UCHL3: variants seen among roughly 807,000 people sequenced by gnomAD.
UCHL3 encodes ubiquitin C-terminal hydrolase L3, also known as ubiquitin carboxyl-terminal hydrolase isozyme L3.
In UCHL3, 22 loss-of-function variants were observed where a neutral mutation model predicts 35.8. The observed-to-expected ratio is 0.61, with a 90% CI of 0.44 to 0.88. The LOEUF (loss-of-function observed/expected upper bound fraction) is 0.88, where lower values mean the gene tolerates loss of function less well. Among genes scored for constraint, UCHL3 ranks in the 40% least tolerant of loss-of-function variants. UCHL3 has a pLI of 0.00. For missense variants in UCHL3, 229 were observed against 276.9 expected (o/e 0.83, Z 1.23); for synonymous variants, 90 against 92.8 (o/e 0.97, Z 0.17).
intron 6 of UCHL3, among the ~76,000 whole-genome samples, chr13:75,578,471 G>A (rs762092202): frequency 1.6e-4 from 25 of 152,082 alleles, no homozygotes; most frequent in Non-Finnish European, 3.4e-4. Context: ...AGCACCTACT[G>A]TACTAGGCAC....
intron 2 of UCHL3, among the ~76,000 whole-genome samples, chr13:75,559,837 A>G (rs2031432446): frequency 6.6e-6 from 1 of 152,182 alleles, no homozygotes; most frequent in Non-Finnish European, 1.5e-5. Flanking sequence ...TCTAAAACTT[A>G]TTTTGTAATG....
intron 2 of UCHL3, among the ~76,000 whole-genome samples, chr13:75,551,203 A>C (rs2031092993): frequency 6.6e-6 from 1 of 152,168 alleles, no homozygotes; most frequent in Admixed American, 6.5e-5. Flanking sequence ...TGGGAGGCTG[A>C]GGTGGGCGGA....
At chr13:75,588,483 A>G (rs2032389075) in intron 6 of UCHL3, among the ~76,000 whole-genome samples, 1 of 152,164 alleles carries the variant, frequency 6.6e-6, no homozygotes, top group Non-Finnish European at 1.5e-5. Context: ...GAGAGAAGAC[A>G]TTATCATATA....
chr13:75,592,429 T>TGTATATACATATATAC lies in UCHL3; in HGVS notation c.475-2486_475-2485insGTATATACATATATAC, dbSNP rs777910997. Among the ~76,000 whole-genome samples the TGTATATACATATATAC allele has an allele frequency of 9.8e-3, 842 of 85,486 alleles. 65 individuals carry two copies. The highest frequency in any genetic ancestry group is 0.026 in the African/African-American group (555 of 21,244). The allele number at this position is 85,486 out of a possible 152,430, so 56.1% of individuals were successfully genotyped here. A position where few individuals can be genotyped will look rare whatever the true frequency, so the allele number is the denominator to read the frequency against. ...AATTTTTCCTTCATATATATATATA[T>TGTATATACATATATAC]ATATATATATATATATATATATATA... On this transcript the variant is annotated intron_variant, in intron 6 of 8. Transcript: ENST00000377595.
At chr13:75,593,124 G>A (rs1268883974) in intron 6 of UCHL3, among the ~76,000 whole-genome samples, 1 of 152,084 alleles carries the variant, frequency 6.6e-6, no homozygotes, top group African/African-American at 2.4e-5. Context: ...ATTTATGAAA[G>A]CATAAAGTTT....
At chr13:75,556,073 A>G (rs1024582395) in intron 2 of UCHL3, among the ~76,000 whole-genome samples, 4 of 152,154 alleles carry the variant, frequency 2.6e-5, no homozygotes, top group African/African-American at 4.8e-5. Flanking sequence ...TATGCCTCCT[A>G]TAGGCATATT....
Position 75,604,788 on chromosome 13 carries a change from A to G in UCHL3, c.570A>G (p.Pro190=), listed in dbSNP as rs953780950. The G allele has an allele frequency of 1.9e-6, 3 of 1,599,560 alleles. No homozygotes were observed. The highest frequency in any genetic ancestry group is 8.5e-7 in the Non-Finnish European group (1 of 1,173,160). Reference sequence around the variant, plus strand: ...CCACAGATGGGCGGAAGCCATTTCCAATTAACCATGGTGAAACTAGTGATG... The same window carrying G: ...CCACAGATGGGCGGAAGCCATTTCCGATTAACCATGGTGAAACTAGTGATG... ...LYELDGRKPF[P]INHGETSDET... The change falls in exon 8 of 9, where the codon CCA becomes CCG. Residue 190 remains proline, a synonymous_variant. Coordinates refer to ENST00000377595, the MANE Select transcript of UCHL3 (RefSeq NM_006002.5).
At chr13:75,573,498 C>G (rs2031926595) in intron 6 of UCHL3, among the ~76,000 whole-genome samples, 1 of 152,108 alleles carries the variant, frequency 6.6e-6, no homozygotes, top group Non-Finnish European at 1.5e-5. Flanking sequence ...GCTGGAAATC[C>G]AACAGCAAAG....
intron 6 of UCHL3, 54 bp downstream of exon 6, chr13:75,569,561 T>TACAG: frequency 6.6e-7 from 1 of 1,504,424 alleles, no homozygotes; most frequent in Non-Finnish European, 9.1e-7. Context: ...CATATAAATT[T>TACAG]CTTGCTGTAA....
intron 2 of UCHL3, among the ~76,000 whole-genome samples, chr13:75,558,721 T>C (rs1467200308): frequency 1.3e-5 from 2 of 152,192 alleles, no homozygotes; most frequent in East Asian, 1.9e-4. Context: ...TCTACTAAAG[T>C]AGAGATGTAA....
chr13:75,591,262 T>C (rs1394206963), intron 6 of UCHL3, among the ~76,000 whole-genome samples: 1 of 152,218 alleles, frequency 6.6e-6, no homozygotes, highest in Non-Finnish European at 1.5e-5. Context: ...CATCAAATAC[T>C]TTTCCATTTC....
At chr13:75,594,881 T>C (rs1269255766) in intron 6 of UCHL3, 34 bp from the exon 7 acceptor site, 2 of 1,514,284 alleles carry the variant, frequency 1.3e-6, no homozygotes, top group Non-Finnish European at 1.8e-6. Context: ...TGACTACTAA[T>C]GTATATAATA....
At chr13:75,558,260 A>T (rs965513360) in intron 2 of UCHL3, among the ~76,000 whole-genome samples, 3 of 152,170 alleles carry the variant, frequency 2.0e-5, no homozygotes, top group African/African-American at 7.2e-5. Context: ...ATCATTCATT[A>T]TGTCCTCAGT....
At chr13:75,554,748 AC>A (rs1441271062) in intron 2 of UCHL3, among the ~76,000 whole-genome samples, 1 of 147,240 alleles carries the variant, frequency 6.8e-6, no homozygotes, top group Non-Finnish European at 1.5e-5. Context: ...GATACTTGAA[AC>A]TTTTTTGTTT....
chr13:75,549,688 C>T, upstream of UCHL3: 1 of 1,062,316 alleles, frequency 9.4e-7, no homozygotes, highest in African/African-American at 1.6e-5. Flanking sequence ...GCCCGTCAAA[C>T]TCTTTTTGGT....
At chr13:75,556,410 A>G (rs1312961933) in intron 2 of UCHL3, among the ~76,000 whole-genome samples, 1 of 152,196 alleles carries the variant, frequency 6.6e-6, no homozygotes, top group Non-Finnish European at 1.5e-5. Flanking sequence ...ATATCAAGTA[A>G]TTGCTAGGTA....
chr13:75,550,274 TC>T (rs1042652361), intron 2 of UCHL3, among the ~76,000 whole-genome samples: 2 of 152,126 alleles, frequency 1.3e-5, no homozygotes, highest in Non-Finnish European at 2.9e-5. Context: ...GTATTCCTAT[TC>T]CCCTTCCTTC....
At chr13:75,562,323 T>C (rs1436559470) in intron 3 of UCHL3, among the ~76,000 whole-genome samples, 2 of 152,104 alleles carry the variant, frequency 1.3e-5, no homozygotes, top group Non-Finnish European at 2.9e-5. Flanking sequence ...ATAGAGAAAT[T>C]TGGAGTTAGG....
intron 3 of UCHL3, among the ~76,000 whole-genome samples, chr13:75,563,862 C>T (rs1566212740): frequency 6.6e-6 from 1 of 151,810 alleles, no homozygotes; most frequent in East Asian, 1.9e-4. Flanking sequence ...TAATGTCCTT[C>T]AGGTTCATCC....
Sources: allele counts gnomAD v4.1 joint callset (sites outside exome capture counted in the v4.1 genomes callset), GRCh38; gene constraint gnomAD v4.1.1; transcripts MANE v1.5; gene names NCBI Gene and HGNC (gene_info 2026-07-23, HGNC 2026-07-21).